The following MARCHF1 variants were observed in gnomAD, a reference collection of about 807,000 sequenced individuals.
MARCHF1 encodes the protein membrane associated ring-CH-type finger 1, also known as E3 ubiquitin-protein ligase MARCHF1.
Under a neutral mutation model 54.2 loss-of-function variants are expected in MARCHF1, and 40 were observed. That is an observed-to-expected ratio of 0.74 (90% CI 0.57 to 0.96). The LOEUF (loss-of-function observed/expected upper bound fraction) is 0.96, where lower values mean the gene tolerates loss of function less well. MARCHF1 is among the 40% of genes least tolerant of loss of function. MARCHF1 has a pLI of 0.00. For synonymous variants in MARCHF1, 236 were observed against 236.3 expected, an observed-to-expected ratio of 1.00 and a Z score of 0.01; for missense variants, 586 against 656.5, an observed-to-expected ratio of 0.89 and a Z score of 1.17.
intron 5 of MARCHF1, among the ~76,000 whole-genome samples, chr4:163,631,928 G>A (rs1446638942): frequency 6.6e-6 from 1 of 152,130 alleles, no homozygotes; most frequent in African/African-American, 2.4e-5. Flanking sequence ...AATGGCCAAA[G>A]GATTGTATAG....
At chr4:164,125,692 G>C (rs552722977) in intron 1 of MARCHF1, among the ~76,000 whole-genome samples, 1 of 152,292 alleles carries the variant, frequency 6.6e-6, no homozygotes, top group Admixed American at 6.5e-5. Flanking sequence ...ACCAGTACCA[G>C]CCTGTGGCCT....
intron 1 of MARCHF1, among the ~76,000 whole-genome samples, chr4:164,355,977 AAAG>A (rs1371704143): frequency 7.9e-6 from 1 of 125,804 alleles, no homozygotes; most frequent in Non-Finnish European, 1.8e-5. Context: ...ACACTTCTCA[AAAG>A]AAGACATTTA....
intron 3 of MARCHF1, among the ~76,000 whole-genome samples, chr4:163,959,215 G>C (rs1752290430): frequency 6.6e-6 from 1 of 151,754 alleles, no homozygotes. Flanking sequence ...CTAAAATTCA[G>C]AGTAGTTCAT....
intron 8 of MARCHF1, among the ~76,000 whole-genome samples, chr4:163,565,351 A>C (rs1739611306): frequency 6.6e-6 from 1 of 152,196 alleles, no homozygotes; most frequent in African/African-American, 2.4e-5. Flanking sequence ...TGTGTGTTTT[A>C]AAAGATGATT....
chr4:164,323,665 G>A (rs960965394), intron 1 of MARCHF1, among the ~76,000 whole-genome samples: 8 of 113,466 alleles, frequency 7.1e-5, no homozygotes, highest in Non-Finnish European at 1.4e-4. Context: ...ATTTATAGAA[G>A]ACATTAAATT....
At chr4:163,636,779 C>A (rs1579140866) in intron 5 of MARCHF1, among the ~76,000 whole-genome samples, 1 of 152,200 alleles carries the variant, frequency 6.6e-6, no homozygotes, top group East Asian at 1.9e-4. Context: ...AAAGAGCCTG[C>A]ATTGCCAAGT....
intron 1 of MARCHF1, among the ~76,000 whole-genome samples, chr4:164,340,419 A>ATATATATATATATATATATATG (rs1729886682): frequency 8.1e-6 from 1 of 123,960 alleles, no homozygotes; most frequent in Non-Finnish European, 1.7e-5. Context: ...ATATAGATAT[A>ATATATATATATATATATATATG]TATATATATA....
chr4:163,862,802 T>C (rs971307868), intron 3 of MARCHF1, among the ~76,000 whole-genome samples: 7 of 152,024 alleles, frequency 4.6e-5, no homozygotes, highest in Non-Finnish European at 8.8e-5. Context: ...CACCAAAAAC[T>C]GGAAGCAACA....
At chr4:164,277,504 A>G (rs1412205331) in intron 1 of MARCHF1, among the ~76,000 whole-genome samples, 1 of 152,144 alleles carries the variant, frequency 6.6e-6, no homozygotes, top group Non-Finnish European at 1.5e-5. Flanking sequence ...TCAGTTTTTT[A>G]TATAGACTTC....
chr4:163,655,498 C>A (rs1365823170), intron 5 of MARCHF1, among the ~76,000 whole-genome samples: 1 of 151,730 alleles, frequency 6.6e-6, no homozygotes, highest in Non-Finnish European at 1.5e-5. Context: ...GATGGATCGT[C>A]AAGTCAGAAA....
chr4:164,270,541 G>T lies in MARCHF1; in HGVS notation c.-323+113329C>A, dbSNP rs115880381. On this transcript the variant is annotated intron_variant, in intron 1 of 9. Transcript: ENST00000514618. The stretch of plus-strand genomic sequence containing the variant: ...ATGTTACATACTAGGTGTGCTCAAT[G>T]AATATTTGTTGAATAAATATCACAT... Among the ~76,000 whole-genome samples the T allele has an allele frequency of 9.5e-4, 144 of 152,274 alleles. 1 individual carries two copies. Among genetic ancestry groups the T allele is most frequent in the African/African-American group, 3.4e-3 (142 of 41,554 alleles).
chr4:164,084,837 C>G (rs563068721), intron 2 of MARCHF1, among the ~76,000 whole-genome samples: 31 of 151,814 alleles, frequency 2.0e-4, no homozygotes, highest in African/African-American at 7.2e-4. Flanking sequence ...TGTCAAAGAA[C>G]AAACCACATT....
intron 3 of MARCHF1, among the ~76,000 whole-genome samples, chr4:163,901,570 GT>G (rs1450475931): frequency 2.0e-5 from 3 of 152,138 alleles, no homozygotes; most frequent in Non-Finnish European, 4.4e-5. Flanking sequence ...CACACAGAGA[GT>G]TTTAATACGT....
chr4:164,071,798 C>T (rs1163305288), intron 2 of MARCHF1, among the ~76,000 whole-genome samples: 1 of 152,098 alleles, frequency 6.6e-6, no homozygotes, highest in African/African-American at 2.4e-5. Flanking sequence ...TGTAAGTATA[C>T]ACTTACCACA....
intron 2 of MARCHF1, among the ~76,000 whole-genome samples, chr4:164,020,306 A>G (rs1337031236): frequency 1.3e-5 from 2 of 152,214 alleles, no homozygotes; most frequent in African/African-American, 4.8e-5. Context: ...ACCAAGAAAA[A>G]GGAATTATGA....
intron 4 of MARCHF1, among the ~76,000 whole-genome samples, chr4:163,819,721 C>T (rs913771319): frequency 1.3e-5 from 2 of 152,070 alleles, no homozygotes; most frequent in Admixed American, 6.6e-5. Context: ...TCCTAATGCT[C>T]TCCCCAATAT....
At chr4:163,839,910 C>A (rs1749291560) in intron 4 of MARCHF1, among the ~76,000 whole-genome samples, 1 of 151,642 alleles carries the variant, frequency 6.6e-6, no homozygotes, top group Non-Finnish European at 1.5e-5. Context: ...AAAAAATGTA[C>A]AATAGAGAAA....
intron 3 of MARCHF1, among the ~76,000 whole-genome samples, chr4:163,894,427 CAAT>C (rs1337406270): frequency 1.3e-5 from 2 of 151,536 alleles, no homozygotes; most frequent in African/African-American, 4.9e-5. Flanking sequence ...ATTAAATGTA[CAAT>C]GAGTGAATGA....
chr4:164,089,197 TGACATTGAATATTGTCATGAAAATAC>T (rs1442758755), intron 2 of MARCHF1, among the ~76,000 whole-genome samples: 3 of 152,106 alleles, frequency 2.0e-5, no homozygotes, highest in Non-Finnish European at 2.9e-5. Flanking sequence ...TAACAAAATA[TGACATTGAATATTGTCATGAAAATAC>T]GACATTGAAT....
Sources: allele counts gnomAD v4.1 joint callset (sites outside exome capture counted in the v4.1 genomes callset), GRCh38; gene constraint gnomAD v4.1.1; transcripts MANE v1.5; gene names NCBI Gene and HGNC (gene_info 2026-07-23, HGNC 2026-07-21).